Variants in ITGA9 observed in about 807,000 individuals in gnomAD.
The protein encoded by ITGA9 is integrin subunit alpha 9, also known as integrin alpha-9.
Under a neutral mutation model 127.8 loss-of-function variants are expected in ITGA9, and 56 were observed. The ratio of observed to expected loss-of-function variants is 0.44; its 90% CI spans 0.35 to 0.55. The LOEUF is 0.55. Among genes scored for constraint, ITGA9 ranks in the 20% least tolerant of loss-of-function variants. The pLI is 0.00. For missense variants in ITGA9, 1,196 were observed against 1,347.1 expected, an observed-to-expected ratio of 0.89 and a Z score of 1.76; for synonymous variants, 508 against 514.5, an observed-to-expected ratio of 0.99 and a Z score of 0.17.
intron 27 of ITGA9, among the ~76,000 whole-genome samples, chr3:37,811,285 G>A (rs1697365437): frequency 6.6e-6 from 1 of 152,190 alleles, no homozygotes; most frequent in African/African-American, 2.4e-5. Flanking sequence ...CTTTCCTGCA[G>A]CTCCTGACTG....
At chr3:37,482,368 G>A (rs1197338859) in intron 4 of ITGA9, among the ~76,000 whole-genome samples, 1 of 152,218 alleles carries the variant, frequency 6.6e-6, no homozygotes, top group Non-Finnish European at 1.5e-5. Flanking sequence ...GTCACTAATA[G>A]TGATTGAGTC....
chr3:37,483,595 G>C (rs139573079), intron 4 of ITGA9, among the ~76,000 whole-genome samples: 103 of 152,342 alleles, frequency 6.8e-4, no homozygotes, highest in Middle Eastern at 3.4e-3. Flanking sequence ...GCTGGGGCCA[G>C]TGTGGAGCAC....
chr3:37,576,465 T>G (rs926290884), intron 15 of ITGA9, among the ~76,000 whole-genome samples: 2 of 152,152 alleles, frequency 1.3e-5, no homozygotes, highest in African/African-American at 4.8e-5. Flanking sequence ...GTGAGGTGGG[T>G]GGTCAGGAAA....
rs112601383 is a variant in ITGA9, at chr3:37,727,937, C to T, written c.2068-4775C>T. ...TGGTTTTATCCATTTTTCAACATCA[C>T]TTTCATTGATTTCATGAAAGTCTGC... On this transcript the variant is annotated intron_variant, in intron 18 of 27. Transcript: ENST00000264741. 3.3e-5 allele frequency among the ~76,000 whole-genome samples: 5 copies of T among 152,292 alleles called. 1 individual carries two copies. The highest frequency in any genetic ancestry group is 1.2e-4 in the African/African-American group (5 of 41,560).
chr3:37,791,090 C>T (rs1231644564), intron 26 of ITGA9, among the ~76,000 whole-genome samples: 5 of 152,034 alleles, frequency 3.3e-5, no homozygotes, highest in Admixed American at 6.6e-5. Context: ...GGGGTGAAGG[C>T]GCTTTCTCTG....
intron 19 of ITGA9, among the ~76,000 whole-genome samples, chr3:37,735,822 A>G (rs1409512774): frequency 6.6e-6 from 1 of 152,238 alleles, no homozygotes; most frequent in Non-Finnish European, 1.5e-5. Context: ...CGTGGGTGAT[A>G]CGTGGACGCA....
chr3:37,812,496 G>C (rs1697380226), intron 27 of ITGA9, among the ~76,000 whole-genome samples: 5 of 152,232 alleles, frequency 3.3e-5, no homozygotes, highest in Non-Finnish European at 7.3e-5. Flanking sequence ...AACTCAGTCA[G>C]GCCTCATGCC....
At chr3:37,758,731 G>T (rs79519041) in intron 23 of ITGA9, among the ~76,000 whole-genome samples, 1,999 of 151,554 alleles carry the variant, frequency 0.013, 47 homozygotes, top group African/African-American at 0.046. Flanking sequence ...ACAATAAAAA[G>T]AAATGATAGC....
At chr3:37,570,868 A>T (rs181159284) in intron 15 of ITGA9, among the ~76,000 whole-genome samples, 4 of 152,336 alleles carry the variant, frequency 2.6e-5, no homozygotes, top group Non-Finnish European at 4.4e-5. Flanking sequence ...GCCCAAATTC[A>T]GTGATCTAAA....
chr3:37,453,498 C>G (rs1698224351), intron 1 of ITGA9, among the ~76,000 whole-genome samples: 1 of 152,114 alleles, frequency 6.6e-6, no homozygotes. Context: ...TCCTCTGGAC[C>G]AGAGGGTATA....
intron 15 of ITGA9, among the ~76,000 whole-genome samples, chr3:37,582,550 T>C (rs1699719497): frequency 6.6e-6 from 1 of 152,184 alleles, no homozygotes; most frequent in Non-Finnish European, 1.5e-5. Flanking sequence ...GTAGAGTAAG[T>C]AGTGACTGCC....
At chr3:37,517,362 C>T in intron 9 of ITGA9, 142 bp from the exon 10 acceptor site, 1 of 715,950 alleles carries the variant, frequency 1.4e-6, no homozygotes, top group South Asian at 1.5e-5. Context: ...GTTTGGGTTC[C>T]TGTAATTCTG....
At chr3:37,517,726 AT>A (rs1452159005) in intron 10 of ITGA9, 117 bp downstream of exon 10, 8 of 777,036 alleles carry the variant, frequency 1.0e-5, no homozygotes, top group Non-Finnish European at 1.5e-5. Context: ...GGGTCTACTG[AT>A]CCCCTTCGAA....
Position 37,710,246 on chromosome 3 carries a change from C to T in ITGA9, c.2068-22466C>T, listed in dbSNP as rs57039735. ...AGCTCAGAAAGCTTGCAGTTTGCTC[C>T]ACGTTACAAAGCTAGTAAGTAGCAG... On this transcript the variant is annotated intron_variant, in intron 18 of 27. Transcript: ENST00000264741. Among the ~76,000 whole-genome samples, 1,071 of 152,232 alleles carry T rather than the reference C, an allele frequency of 7.0e-3. 16 individuals carry two copies. Among genetic ancestry groups the T allele is most frequent in the African/African-American group, 0.024 (1,000 of 41,538 alleles).
At chr3:37,728,135 T>C (rs1210008903) in intron 18 of ITGA9, among the ~76,000 whole-genome samples, 1 of 152,190 alleles carries the variant, frequency 6.6e-6, no homozygotes, top group Non-Finnish European at 1.5e-5. Context: ...TAAATGCTAA[T>C]GTTAAGTTCT....
chr3:37,632,638 A>G (rs183879749), intron 16 of ITGA9, among the ~76,000 whole-genome samples: 17 of 152,338 alleles, frequency 1.1e-4, no homozygotes, highest in Admixed American at 9.1e-4. Context: ...CAAAATTATC[A>G]TAGACACATC....
At chr3:37,768,034 G>A (rs1292555266) in intron 23 of ITGA9, among the ~76,000 whole-genome samples, 1 of 152,194 alleles carries the variant, frequency 6.6e-6, no homozygotes, top group African/African-American at 2.4e-5. Context: ...TCCACCCTTT[G>A]TAGGTTATCC....
chr3:37,507,779 G>A (rs972615792), intron 7 of ITGA9, among the ~76,000 whole-genome samples: 7 of 152,104 alleles, frequency 4.6e-5, no homozygotes, highest in African/African-American at 1.7e-4. Flanking sequence ...GGATATTCTA[G>A]TGTCAGGGCA....
At chr3:37,574,732 A>G (rs1699636121) in intron 15 of ITGA9, among the ~76,000 whole-genome samples, 1 of 152,154 alleles carries the variant, frequency 6.6e-6, no homozygotes, top group Non-Finnish European at 1.5e-5. Flanking sequence ...ACTTAAGGTC[A>G]CAGGCGCCAC....
Sources: gnomAD v4.1 joint callset for allele counts (sites outside exome capture counted in the v4.1 genomes callset) on GRCh38, gnomAD v4.1.1 for gene constraint, MANE v1.5 for transcripts, NCBI Gene and HGNC (gene_info 2026-07-23, HGNC 2026-07-21) for gene names.